FN1: variants seen among roughly 807,000 people sequenced by gnomAD.
The protein encoded by FN1 is fibronectin.
FN1 carries 106 observed loss-of-function variants against 297.3 expected under a neutral mutation model. The ratio of observed to expected loss-of-function variants is 0.36; its 90% CI spans 0.30 to 0.42. The LOEUF (loss-of-function observed/expected upper bound fraction) is 0.42, where lower values mean the gene tolerates loss of function less well. Among genes scored for constraint, FN1 ranks in the 10% least tolerant of loss-of-function variants. FN1 has a pLI of 1.00. For synonymous variants in FN1, 1,149 were observed against 1,152.6 expected (o/e 1.00, Z 0.06); for missense variants, 2,690 against 3,124.9 (o/e 0.86, Z 3.32).
chr2:215,372,216 C>A lies in FN1; in HGVS notation c.6407G>T (p.Ser2136Ile), dbSNP rs761218868. The change falls in exon 40 of 46, where the codon AGT becomes ATT. Residue 2136 changes from serine (S) to isoleucine (I), a missense_variant. Ser to Ile is a moderately radical substitution (Grantham distance 142, BLOSUM62 -2). Coordinates refer to ENST00000354785, the MANE Select transcript of FN1 (RefSeq NM_212482.4). The stretch of plus-strand genomic sequence containing the variant: ...CTCAAAGATCATTTGTTGCCCAACA[C>A]TGGGTTGCTGACCAGAAGTGCCAGG... ...QLPGTSGQQP[S>I]VGQQMIFEEH... 18 of 1,614,206 alleles carry A rather than the reference C, an allele frequency of 1.1e-5. No homozygotes were observed. The highest frequency in any genetic ancestry group is 1.5e-5 in the Non-Finnish European group (18 of 1,180,044).
rs60095812 is a variant in FN1, at chr2:215,397,403, C to T, written c.3518-180G>A. On this transcript the variant is annotated intron_variant, in intron 22 of 45. Coordinates refer to ENST00000354785, the MANE Select transcript of FN1 (RefSeq NM_212482.4). ...AGCAGTAATTCTCTGACAAAGACTT[C>T]TTTATGATTAATGATTTTGCAATAC... Among the ~76,000 whole-genome samples the T allele has an allele frequency of 0.45, 47,511 of 104,630 alleles. 8,042 individuals are homozygous for T. The highest frequency in any genetic ancestry group is 0.49 in the African/African-American group (16,508 of 33,898). The allele number at this position is 104,630 out of a possible 152,430, so 68.6% of individuals were successfully genotyped here.
At chr2:215,424,105 G>A (rs1462687207) in intron 8 of FN1, 41 bp downstream of exon 8, 20 of 1,589,470 alleles carry the variant, frequency 1.3e-5, no homozygotes, top group Non-Finnish European at 1.7e-5. Context: ...GCATGAAAGT[G>A]AGTTTTTCTC....
At chr2:215,365,655 C>A in intron 42 of FN1, 25 bp from the exon 43 acceptor site, 2 of 1,613,158 alleles carry the variant, frequency 1.2e-6, no homozygotes, top group South Asian at 2.2e-5. Flanking sequence ...AAAGTCAGGA[C>A]CAAAAAGTTA....
intron 9 of FN1, 56 bp downstream of exon 9, chr2:215,423,294 G>C (rs936645330): frequency 3.1e-5 from 49 of 1,575,366 alleles, no homozygotes; most frequent in Admixed American, 1.0e-4. Flanking sequence ...CTAGTCTTTA[G>C]TCTCTACTCC....
At chr2:215,394,871 A>G (rs1168315837) in intron 23 of FN1, 152 bp from the exon 24 acceptor site, 2 of 683,604 alleles carry the variant, frequency 2.9e-6, no homozygotes, top group Non-Finnish European at 5.2e-6. Flanking sequence ...GCTTGCAACA[A>G]TCCTTTCAGG....
At chr2:215,391,594 G>A (rs2059711344) in intron 26 of FN1, 38 bp downstream of exon 26, 1 of 1,558,388 alleles carries the variant, frequency 6.4e-7, no homozygotes, top group Non-Finnish European at 8.9e-7. Context: ...CTATGCTCTA[G>A]GTTAATATTT....
chr2:215,394,761 G>A (rs1298504984), intron 23 of FN1, 42 bp from the exon 24 acceptor site: 7 of 1,487,558 alleles, frequency 4.7e-6, no homozygotes, highest in Non-Finnish European at 6.6e-6. Context: ...CAGAGGATCT[G>A]TGAGCCAGAG....
chr2:215,428,633 A>G (rs1444815413), intron 5 of FN1, among the ~76,000 whole-genome samples: 2 of 152,186 alleles, frequency 1.3e-5, no homozygotes, highest in Non-Finnish European at 2.9e-5. Flanking sequence ...CTCTGGCATT[A>G]TATTTCATCT....
At chr2:215,368,058 A>G in intron 41 of FN1, 31 bp from the exon 42 acceptor site, 2 of 1,611,912 alleles carry the variant, frequency 1.2e-6, no homozygotes, top group Non-Finnish European at 8.5e-7. Flanking sequence ...AAGCAAAAAG[A>G]GACATCTTAT....
chr2:215,430,924 A>G (rs959993308), intron 4 of FN1, 72 bp from the exon 5 acceptor site: 11 of 1,555,406 alleles, frequency 7.1e-6, no homozygotes, highest in Admixed American at 1.7e-5. Context: ...TGTAATTTAA[A>G]GTGTAGTGTG....
chr2:215,402,790 G>T (rs948474585), intron 20 of FN1, among the ~76,000 whole-genome samples: 1 of 152,096 alleles, frequency 6.6e-6, no homozygotes, highest in African/African-American at 2.4e-5. Context: ...CAGTACTTCA[G>T]TTAAAATCAT....
intron 39 of FN1, 56 bp downstream of exon 39, chr2:215,373,266 C>T (rs1476673274): frequency 7.4e-7 from 1 of 1,358,860 alleles, no homozygotes; most frequent in Non-Finnish European, 1.1e-6. Flanking sequence ...CAAGATTGCT[C>T]ATTTGTTATT....
In FN1 at chr2:215,384,874, G is replaced by A. The variant is rs767751980; in HGVS notation, c.4715C>T (p.Thr1572Ile). The change falls in exon 29 of 46, where the codon ACT (threonine) becomes ATT (isoleucine). Residue 1572 changes from threonine to isoleucine, a missense_variant. By Grantham distance (89) the Thr-to-Ile change is moderately conservative. This residue lies in a region of FN1 where 1,743 missense variants were observed against 1,945.2 expected (regional missense o/e 0.90). Coordinates refer to ENST00000354785, the MANE Select transcript of FN1 (RefSeq NM_212482.4). ...TACTGCTGTACCTGTCTCTCCGTAAGTGATCCTGTAATATCTCACTGTGAC... is the reference window on the plus strand; with the variant it reads ...TACTGCTGTACCTGTCTCTCCGTAAATGATCCTGTAATATCTCACTGTGAC... ...PAVTVRYYRITYGETGGNSPV... is the reference protein window; with the variant it reads ...PAVTVRYYRIIYGETGGNSPV... 3 of 1,608,890 alleles carry A rather than the reference G, an allele frequency of 1.9e-6. No homozygotes were observed. Among genetic ancestry groups the A allele is most frequent in the Non-Finnish European group, 8.5e-7 (1 of 1,175,298 alleles).
At position 215,414,638 on chromosome 2, in the gene FN1, C is replaced by A. The variant is rs967502976; in HGVS notation, c.1941+199G>T. On this transcript the variant is annotated intron_variant, in intron 13 of 45. Coordinates refer to ENST00000354785, the MANE Select transcript of FN1 (RefSeq NM_212482.4). Reference sequence around the variant, plus strand: ...CCCCCCCACCGCAAAAAAACAAAACCCAAAACCAAAACCAAAATCCCCTCA... The same window carrying A: ...CCCCCCCACCGCAAAAAAACAAAACACAAAACCAAAACCAAAATCCCCTCA... 2.3e-6 allele frequency: 3 copies of A among 1,332,554 alleles called. No homozygotes were observed. In the East Asian group the frequency reaches 8.1e-5, roughly 36 times the overall value. The allele number at this position is 1,332,554 out of a possible 1,614,324, so 82.5% of individuals were successfully genotyped here.
chr2:215,361,845 A>G, intron 45 of FN1, 124 bp downstream of exon 45: 1 of 1,345,328 alleles, frequency 7.4e-7, no homozygotes. Context: ...TGTTTCACTT[A>G]AGTCATTTAT....
intron 15 of FN1, 27 bp from the exon 16 acceptor site, chr2:215,408,453 A>C (rs1276515792): frequency 1.2e-6 from 2 of 1,612,994 alleles, no homozygotes; most frequent in East Asian, 4.5e-5. Context: ...AAAGGTAACT[A>C]ATCAGAGCAA....
intron 3 of FN1, among the ~76,000 whole-genome samples, chr2:215,432,232 G>A (rs949851121): frequency 1.3e-5 from 2 of 152,098 alleles, no homozygotes; most frequent in Non-Finnish European, 2.9e-5. Context: ...GAGATCACAG[G>A]AAATTGGGTC....
chr2:215,366,569 T>C (rs967607412), intron 42 of FN1, among the ~76,000 whole-genome samples: 4 of 152,238 alleles, frequency 2.6e-5, no homozygotes, highest in Admixed American at 2.0e-4. Flanking sequence ...CTTTAACTAC[T>C]ATACATAAGG....
chr2:215,377,702 A>C (rs1169325753), intron 35 of FN1, among the ~76,000 whole-genome samples: 4 of 149,422 alleles, frequency 2.7e-5, no homozygotes, highest in Non-Finnish European at 5.9e-5. Flanking sequence ...CCTAATATGC[A>C]TTGTTAAGAT....
Sources: gnomAD v4.1 joint callset for allele counts (sites outside exome capture counted in the v4.1 genomes callset) on GRCh38, gnomAD v4.1.1 for gene constraint, gnomAD v4.1.1 regional missense constraint, MANE v1.5 for transcripts, NCBI Gene and HGNC (gene_info 2026-07-23, HGNC 2026-07-21) for gene names.